Variants in DEPDC1B observed in about 807,000 individuals in gnomAD.
DEPDC1B encodes DEP domain-containing protein 1B.
A neutral mutation model predicts 66.5 loss-of-function variants in DEPDC1B; 51 were observed. The ratio of observed to expected loss-of-function variants is 0.77; its 90% CI spans 0.61 to 0.97. The LOEUF (loss-of-function observed/expected upper bound fraction) is 0.97, where lower values mean the gene tolerates loss of function less well. Ranked by LOEUF, DEPDC1B falls within the 50% of genes least tolerant of loss-of-function variation. The pLI, the probability that DEPDC1B is intolerant of heterozygous loss-of-function variation, is 0.00. For synonymous variants in DEPDC1B, 226 were observed against 223.6 expected (o/e 1.01, Z -0.10); for missense variants, 552 against 637.1 (o/e 0.87, Z 1.44).
chr5:60,614,560 T>C (rs539853680), intron 7 of DEPDC1B, among the ~76,000 whole-genome samples: 100 of 152,352 alleles, frequency 6.6e-4, no homozygotes, highest in African/African-American at 2.2e-3. Context: ...TCTTCTCTTT[T>C]TTTTAATTTA....
intron 2 of DEPDC1B, among the ~76,000 whole-genome samples, chr5:60,663,390 C>T (rs900549390): frequency 3.9e-5 from 6 of 152,152 alleles, no homozygotes; most frequent in South Asian, 2.1e-4. Flanking sequence ...AGAAACCCAA[C>T]GGACAGTGGA....
intron 1 of DEPDC1B, among the ~76,000 whole-genome samples, chr5:60,699,443 G>GAAAAAAAAAAAAAAACAAAA (rs1754728433): frequency 1.1e-5 from 1 of 89,380 alleles, no homozygotes; most frequent in Non-Finnish European, 2.0e-5. Context: ...TTTTCTCCCA[G>GAAAAAAAAAAAAAAACAAAA]AAAAAAAAAA....
chr5:60,690,407 T>C (rs1197681277), intron 1 of DEPDC1B, among the ~76,000 whole-genome samples: 1 of 152,212 alleles, frequency 6.6e-6, no homozygotes, highest in Non-Finnish European at 1.5e-5. Context: ...TATATGCATA[T>C]GAAAAGCTAA....
Position 60,652,683 on chromosome 5 carries a change from T to C in DEPDC1B, c.315-5150A>G, listed in dbSNP as rs554429275. On this transcript the variant is annotated intron_variant, in intron 2 of 10. Coordinates refer to ENST00000265036, the MANE Select transcript of DEPDC1B (RefSeq NM_018369.3). Reference sequence around the variant, plus strand: ...GAATAAGTTCTTCAGTGATGATTTCTGAGATTTTGGTGCACCCATCACCCG... The same window carrying C: ...GAATAAGTTCTTCAGTGATGATTTCCGAGATTTTGGTGCACCCATCACCCG... 9.4e-5 allele frequency among the ~76,000 whole-genome samples: 14 copies of C among 149,112 alleles called. 1 individual carries two copies. The highest frequency in any genetic ancestry group is 3.5e-4 in the African/African-American group (14 of 39,606).
intron 2 of DEPDC1B, among the ~76,000 whole-genome samples, chr5:60,648,730 G>T (rs983594366): frequency 6.6e-6 from 1 of 152,070 alleles, no homozygotes; most frequent in Admixed American, 6.5e-5. Context: ...AGAGAGTTCT[G>T]GAAATCAGTA....
At chr5:60,652,228 T>A (rs1753474789) in intron 2 of DEPDC1B, among the ~76,000 whole-genome samples, 1 of 149,418 alleles carries the variant, frequency 6.7e-6, no homozygotes, top group Non-Finnish European at 1.5e-5. Flanking sequence ...ATGGTGGCAT[T>A]AGCATGATCT....
chr5:60,649,040 C>G (rs1247914170), intron 2 of DEPDC1B, among the ~76,000 whole-genome samples: 1 of 152,124 alleles, frequency 6.6e-6, no homozygotes, highest in African/African-American at 2.4e-5. Context: ...TCATTCAAAA[C>G]TAAACGCAAT....
At chr5:60,670,464 T>C (rs931903184) in intron 2 of DEPDC1B, among the ~76,000 whole-genome samples, 1 of 152,182 alleles carries the variant, frequency 6.6e-6, no homozygotes, top group African/African-American at 2.4e-5. Flanking sequence ...CCTAAATATA[T>C]GATTTCACTC....
Position 60,677,326 on chromosome 5 carries a change from A to ACACACTCTCTCTCTCT in DEPDC1B, c.314+9635_314+9636insAGAGAGAGAGAGTGTG, listed in dbSNP as rs770640655. 4.0e-3 allele frequency among the ~76,000 whole-genome samples: 431 copies of ACACACTCTCTCTCTCT among 108,538 alleles called. 3 individuals are homozygous for ACACACTCTCTCTCTCT. The highest frequency in any genetic ancestry group is 0.016 in the African/African-American group (402 of 25,280). The allele number at this position is 108,538 out of a possible 152,430, so 71.2% of individuals were successfully genotyped here. ...CACACACACACACACACACACACAC[A>ACACACTCTCTCTCTCT]CTCTCTCTCTCTCTCTCTCTCTCTC... On this transcript the variant is annotated intron_variant, in intron 2 of 10. Coordinates refer to ENST00000265036, the MANE Select transcript of DEPDC1B (RefSeq NM_018369.3).
intron 2 of DEPDC1B, among the ~76,000 whole-genome samples, chr5:60,678,654 C>T (rs1754224722): frequency 1.3e-5 from 2 of 152,188 alleles, no homozygotes; most frequent in South Asian, 2.1e-4. Flanking sequence ...ATGTATACTA[C>T]ATCAAACATC....
intron 5 of DEPDC1B, 22 bp from the exon 6 acceptor site, chr5:60,642,881 T>C (rs745975366): frequency 9.4e-6 from 15 of 1,599,444 alleles, no homozygotes; most frequent in Non-Finnish European, 1.3e-5. Context: ...AGAAAATTTG[T>C]ACTCAATTCC....
chr5:60,628,146 A>G (rs1752844020), intron 7 of DEPDC1B: 1 of 152,246 alleles, frequency 6.6e-6, no homozygotes, highest in Non-Finnish European at 1.5e-5. Flanking sequence ...AACTGTTCCT[A>G]TGATACACAT....
In DEPDC1B at chr5:60,638,744, A is replaced by G. The variant is rs761406952; in HGVS notation, c.898+6T>C. The G allele has an allele frequency of 6.2e-7, 1 of 1,604,410 alleles. No homozygotes were observed. The highest frequency in any genetic ancestry group is 8.5e-7 in the Non-Finnish European group (1 of 1,176,618). ...GTAGATATATGTTCATTATATTCCA[A>G]CTTACCCAGTACACTGACAAAAGCA... On this transcript the variant is annotated splice_donor_region_variant and intron_variant, in intron 7 of 10. Coordinates refer to ENST00000265036, the MANE Select transcript of DEPDC1B (RefSeq NM_018369.3).
intron 2 of DEPDC1B, among the ~76,000 whole-genome samples, chr5:60,649,363 G>T (rs1460086195): frequency 6.6e-6 from 1 of 152,070 alleles, no homozygotes; most frequent in African/African-American, 2.4e-5. Flanking sequence ...AGAAATACCA[G>T]GAAATCACCT....
intron 8 of DEPDC1B, among the ~76,000 whole-genome samples, 162 bp from the exon 9 acceptor site, chr5:60,603,729 C>T (rs574435240): frequency 1.3e-5 from 2 of 151,792 alleles, no homozygotes; most frequent in Non-Finnish European, 2.9e-5. Context: ...GTCTCAACAA[C>T]CAGAACAAAC....
intron 1 of DEPDC1B, among the ~76,000 whole-genome samples, chr5:60,699,441 C>CAAAAAAAAAAAAAAAAAAAAA (rs1250552536): frequency 7.2e-5 from 1 of 13,954 alleles, no homozygotes; most frequent in African/African-American, 1.3e-3. Context: ...GCTTTTCTCC[C>CAAAAAAAAAAAAAAAAAAAAA]AGAAAAAAAA....
At chr5:60,609,340 C>T (rs142207506) in intron 7 of DEPDC1B, among the ~76,000 whole-genome samples, 354 of 152,278 alleles carry the variant, frequency 2.3e-3, no homozygotes, top group South Asian at 4.1e-3. Flanking sequence ...ACGATTTCTT[C>T]CAACTGTCAA....
At chr5:60,657,183 T>C (rs1298748834) in intron 2 of DEPDC1B, among the ~76,000 whole-genome samples, 1 of 152,236 alleles carries the variant, frequency 6.6e-6, no homozygotes, top group Non-Finnish European at 1.5e-5. Flanking sequence ...ATATGAGTGC[T>C]TATGTGTTAG....
chr5:60,671,760 G>A (rs1754045249), intron 2 of DEPDC1B, among the ~76,000 whole-genome samples: 1 of 152,278 alleles, frequency 6.6e-6, no homozygotes, highest in South Asian at 2.1e-4. Context: ...TCTTCTCAGA[G>A]GACCTGAATT....
Sources: allele counts gnomAD v4.1 joint callset (sites outside exome capture counted in the v4.1 genomes callset), GRCh38; gene constraint gnomAD v4.1.1; transcripts MANE v1.5; gene names NCBI Gene and HGNC (gene_info 2026-07-23, HGNC 2026-07-21).